Variants in KCNJ3 observed in about 807,000 individuals in gnomAD.
KCNJ3 encodes the protein G protein-activated inward rectifier potassium channel 1.
In KCNJ3, 4 loss-of-function variants were observed where a neutral mutation model predicts 39.2. The ratio of observed to expected loss-of-function variants is 0.10; its 90% CI spans 0.05 to 0.23. KCNJ3 has a LOEUF of 0.23. Ranked by LOEUF, KCNJ3 falls within the 10% of genes least tolerant of loss-of-function variation. The pLI is 1.00. For missense variants in KCNJ3, 276 were observed against 634.9 expected (o/e 0.43, Z 6.08); for synonymous variants, 230 against 237.4 (o/e 0.97, Z 0.29).
At chr2:154,711,876 TC>T (rs1450353320) in intron 2 of KCNJ3, among the ~76,000 whole-genome samples, 2 of 152,156 alleles carry the variant, frequency 1.3e-5, no homozygotes, top group African/African-American at 2.4e-5. Flanking sequence ...TTTACCATTT[TC>T]CCCCTCCTGC....
chr2:154,752,197 G>A (rs1032998464), intron 2 of KCNJ3, among the ~76,000 whole-genome samples: 8 of 151,818 alleles, frequency 5.3e-5, no homozygotes, highest in African/African-American at 1.9e-4. Context: ...ACATTTTGGT[G>A]TACTCAAACT....
chr2:154,785,316 T>C (rs966854756), intron 2 of KCNJ3, among the ~76,000 whole-genome samples: 1 of 152,208 alleles, frequency 6.6e-6, no homozygotes, highest in Non-Finnish European at 1.5e-5. Flanking sequence ...GTATGGTTTC[T>C]TCTGAGGACC....
At chr2:154,768,379 G>T (rs1461400093) in intron 2 of KCNJ3, among the ~76,000 whole-genome samples, 1 of 152,132 alleles carries the variant, frequency 6.6e-6, no homozygotes, top group Non-Finnish European at 1.5e-5. Context: ...TGTAAGGAAG[G>T]GATCCAGTTT....
intron 2 of KCNJ3, among the ~76,000 whole-genome samples, chr2:154,799,858 C>T (rs1686781380): frequency 6.6e-6 from 1 of 152,128 alleles, no homozygotes; most frequent in African/African-American, 2.4e-5. Flanking sequence ...ATGTCCCATC[C>T]CTCAAGAAGC....
intron 2 of KCNJ3, among the ~76,000 whole-genome samples, chr2:154,789,091 C>T (rs556094366): frequency 2.0e-5 from 3 of 152,036 alleles, no homozygotes; most frequent in Non-Finnish European, 4.4e-5. Flanking sequence ...GTTATATTGA[C>T]TCCAAAACCT....
At chr2:154,799,472 G>A (rs1686773839) in intron 2 of KCNJ3, among the ~76,000 whole-genome samples, 1 of 152,176 alleles carries the variant, frequency 6.6e-6, no homozygotes, top group African/African-American at 2.4e-5. Flanking sequence ...TGAGGAAGGA[G>A]GAGGGGTGGT....
At chr2:154,734,723 G>A (rs753891890) in intron 2 of KCNJ3, among the ~76,000 whole-genome samples, 7 of 152,054 alleles carry the variant, frequency 4.6e-5, no homozygotes, top group Non-Finnish European at 1.0e-4. Flanking sequence ...GAGAGTGAAA[G>A]GTCAGACTAC....
intron 1 of KCNJ3, among the ~76,000 whole-genome samples, chr2:154,704,586 C>T (rs948906302): frequency 6.6e-6 from 1 of 151,998 alleles, no homozygotes; most frequent in Admixed American, 6.6e-5. Flanking sequence ...ATAGTTTTTC[C>T]ATCTGAGTAT....
intron 2 of KCNJ3, among the ~76,000 whole-genome samples, chr2:154,750,435 G>C (rs924159669): frequency 1.3e-5 from 2 of 151,902 alleles, no homozygotes; most frequent in Non-Finnish European, 2.9e-5. Flanking sequence ...AACAAGTTAT[G>C]TTGTTCCCTA....
chr2:154,740,989 T>G (rs1430618719), intron 2 of KCNJ3, among the ~76,000 whole-genome samples: 1 of 151,970 alleles, frequency 6.6e-6, no homozygotes, highest in African/African-American at 2.4e-5. Context: ...ATCTTATAAC[T>G]GGAATTAATG....
intron 2 of KCNJ3, among the ~76,000 whole-genome samples, chr2:154,799,330 C>T (rs1261085915): frequency 3.9e-5 from 6 of 152,176 alleles, no homozygotes; most frequent in Admixed American, 3.9e-4. Flanking sequence ...AGTAGAAATG[C>T]TCTTTCACCA....
At chr2:154,704,885 A>C (rs1235908497) in intron 1 of KCNJ3, among the ~76,000 whole-genome samples, 1 of 152,150 alleles carries the variant, frequency 6.6e-6, no homozygotes, top group East Asian at 1.9e-4. Context: ...ACACACATAA[A>C]TGCATATTAC....
At chr2:154,797,127 C>T (rs1243619897) in intron 2 of KCNJ3, among the ~76,000 whole-genome samples, 5 of 152,158 alleles carry the variant, frequency 3.3e-5, no homozygotes, top group African/African-American at 1.2e-4. Context: ...TACTGAGAGA[C>T]ACAATGCACC....
intron 2 of KCNJ3, among the ~76,000 whole-genome samples, chr2:154,722,143 G>A (rs1490782387): frequency 7.4e-6 from 1 of 134,806 alleles, no homozygotes; most frequent in Non-Finnish European, 1.6e-5. Context: ...TTTTTTTTTT[G>A]CAGCAAATAC....
intron 2 of KCNJ3, among the ~76,000 whole-genome samples, chr2:154,729,675 A>G (rs1349880384): frequency 6.6e-6 from 1 of 152,212 alleles, no homozygotes; most frequent in Non-Finnish European, 1.5e-5. Flanking sequence ...ATGACTTATC[A>G]TCATCAATGA....
intron 2 of KCNJ3, among the ~76,000 whole-genome samples, chr2:154,745,367 C>T (rs1009086128): frequency 1.2e-4 from 18 of 151,796 alleles, no homozygotes; most frequent in Non-Finnish European, 2.1e-4. Flanking sequence ...CTTTCATTTC[C>T]GTTATATTTT....
In KCNJ3 at chr2:154,854,879, G is replaced by A; in HGVS notation, c.1072G>A (p.Val358Met). Residue 358 changes from valine (V) to methionine (M), a missense_variant, in exon 3 of 3, where the codon GTG (valine) becomes ATG (methionine). Physicochemically the swap from Val to Met is conservative, Grantham distance 21. Coordinates refer to ENST00000295101, the MANE Select transcript of KCNJ3 (RefSeq NM_002239.4). Reference sequence around the variant, plus strand: ...TGAAGTCCCCACCCCACCTTACAGTGTGAAAGAGCAGGAGGAAATGCTTCT... The same window carrying A: ...TGAAGTCCCCACCCCACCTTACAGTATGAAAGAGCAGGAGGAAATGCTTCT... ...TFEVPTPPYS[V>M]KEQEEMLLMS... 6.2e-7 allele frequency: 1 copy of A among 1,613,980 alleles called. No homozygotes were observed. Among genetic ancestry groups the A allele is most frequent in the South Asian group, 1.1e-5 (1 of 91,078 alleles).
intron 2 of KCNJ3, among the ~76,000 whole-genome samples, chr2:154,737,903 G>C (rs1351335898): frequency 1.3e-5 from 2 of 152,092 alleles, no homozygotes; most frequent in African/African-American, 4.8e-5. Flanking sequence ...ATGTACATAT[G>C]TATTCAAGAA....
chr2:154,830,897 G>C (rs1046875986), intron 2 of KCNJ3, among the ~76,000 whole-genome samples: 4 of 152,124 alleles, frequency 2.6e-5, no homozygotes, highest in Non-Finnish European at 4.4e-5. Flanking sequence ...CTTACAAGAA[G>C]TACAAGTAAA....
Sources: gnomAD v4.1 joint callset for allele counts (sites outside exome capture counted in the v4.1 genomes callset) on GRCh38, gnomAD v4.1.1 for gene constraint, MANE v1.5 for transcripts, NCBI Gene and HGNC (gene_info 2026-07-23, HGNC 2026-07-21) for gene names.